PDPK1: variants seen among roughly 807,000 people sequenced by gnomAD.
PDPK1 encodes 3-phosphoinositide dependent protein kinase 1.
In PDPK1, 7 loss-of-function variants were observed where a neutral mutation model predicts 39.8. That is an observed-to-expected ratio of 0.18 (90% CI 0.10 to 0.33). The LOEUF is 0.33. PDPK1 is among the 10% of genes least tolerant of loss of function. The pLI is 1.00. For missense variants in PDPK1, 182 were observed against 384.7 expected, an observed-to-expected ratio of 0.47 and a Z score of 4.41; for synonymous variants, 118 against 159.1, an observed-to-expected ratio of 0.74 and a Z score of 1.95.
At position 2,593,176 on chromosome 16, in the gene PDPK1, G is replaced by T. The variant is rs2067027238; in HGVS notation, c.1344-2617G>T. 2 of 446,340 alleles carry T rather than the reference G, an allele frequency of 4.5e-6. No homozygotes were observed. The highest frequency in any genetic ancestry group is 4.9e-5 in the Admixed American group (2 of 40,860). The allele number at this position is 446,340 out of a possible 1,614,324, so 27.6% of individuals were successfully genotyped here. A position where few individuals can be genotyped will look rare whatever the true frequency, so the allele number is the denominator to read the frequency against. On this transcript the variant is annotated intron_variant, in intron 11 of 13. Coordinates refer to ENST00000342085, the MANE Select transcript of PDPK1 (RefSeq NM_002613.5). This position sits in a 1 kb window ranked among gnomAD's most constrained non-coding sequence, Gnocchi z 4.2. ...CCTGTGGCATGCCCAGATGATCAGG[G>T]TGGAGCGGCCCAGCTCAATGTCTTC...
intron 11 of PDPK1, chr16:2,592,511 T>TA (rs542008025): frequency 2.0e-4 from 67 of 329,562 alleles, no homozygotes; most frequent in Admixed American, 1.3e-3. Flanking sequence ...CTGTCTCTAC[T>TA]AAAATTACCA....
chr16:2,590,539 C>T (rs2066968069), intron 11 of PDPK1, among the ~76,000 whole-genome samples: 1 of 152,086 alleles, frequency 6.6e-6, no homozygotes, highest in South Asian at 2.1e-4. Context: ...TCAGGGGAGA[C>T]ACGCTTGTGG....
chr16:2,544,438 T>C (rs1374249350), intron 1 of PDPK1, among the ~76,000 whole-genome samples: 1 of 152,198 alleles, frequency 6.6e-6, no homozygotes, highest in Non-Finnish European at 1.5e-5. Context: ...GGATGAACCT[T>C]TCTCCACTAA....
intron 1 of PDPK1, among the ~76,000 whole-genome samples, chr16:2,546,218 T>A (rs1407091582): frequency 2.2e-5 from 3 of 133,786 alleles, no homozygotes; most frequent in African/African-American, 8.6e-5. Context: ...TGAGTAGCTG[T>A]GATTACAAGT....
chr16:2,573,816 C>G (rs1473006678), intron 6 of PDPK1, among the ~76,000 whole-genome samples: 2 of 75,918 alleles, frequency 2.6e-5, no homozygotes. Context: ...TTTTTTGAGA[C>G]GGAATTTCGC....
chr16:2,579,244 G>A (rs1269810907), intron 7 of PDPK1: 1 of 72,724 alleles, frequency 1.4e-5, no homozygotes, highest in East Asian at 4.2e-4. Flanking sequence ...GAGCTGCTCA[G>A]CATCCCGAGA....
rs1239328381 is a variant in PDPK1, at chr16:2,542,179, C to T, written c.24+4043C>T. Among the ~76,000 whole-genome samples, 4 of 152,152 alleles carry T rather than the reference C, an allele frequency of 2.6e-5. No individual in the cohort carries two copies. The South Asian group carries it at 6.2e-4, about 24-fold the overall frequency. ...CTGTTTGTTTATTTATTTATTTTTT[C>T]GAGACAGTCTCGTTCTGTCACGCAG... On this transcript the variant is annotated intron_variant, in intron 1 of 13. Transcript: ENST00000342085.
Position 2,597,739 on chromosome 16 carries a change from A to C in PDPK1, c.1643A>C (p.Gln548Pro). Residue 548 changes from glutamine to proline, a missense_variant, in exon 14 of 14, where the codon CAG (glutamine) becomes CCG (proline). Transcript: ENST00000342085. This position sits in a 1 kb window ranked among gnomAD's most constrained non-coding sequence, Gnocchi z 6.3. ...KIQEVWRQRY[Q>P]SHPDAAVQ ...CAGGAGGTTTGGAGGCAGCGATACC[A>C]GAGCCACCCGGACGCCGCTGTGCAG... The C allele has an allele frequency of 1.2e-6, 2 of 1,612,982 alleles. No homozygotes were observed. The highest frequency in any genetic ancestry group is 1.3e-5 in the African/African-American group (1 of 75,026).
intron 10 of PDPK1, among the ~76,000 whole-genome samples, chr16:2,586,111 A>G (rs2066869502): frequency 3.9e-5 from 6 of 152,254 alleles, no homozygotes. Flanking sequence ...CTAGAGTAAC[A>G]GGCAGCGTTA....
In PDPK1 at chr16:2,597,288, C is replaced by G. The variant is rs910253610; in HGVS notation, c.1554+13C>G. The stretch of plus-strand genomic sequence containing the variant: ...CTTTGTCCACACGGTGAGTCTGTTC[C>G]CAGGGATTTCTGTGTGCAGGGTAAT... On this transcript the variant is annotated intron_variant, in intron 13 of 13. Transcript: ENST00000342085. The surrounding 1 kb of genome is among the most constrained non-coding windows in gnomAD (Gnocchi z 6.3). 20 of 1,567,960 alleles carry G rather than the reference C, an allele frequency of 1.3e-5. No individual in the cohort carries two copies. Among genetic ancestry groups the G allele is most frequent in the Non-Finnish European group, 1.4e-5 (16 of 1,147,940 alleles).
At chr16:2,578,075 C>T (rs912601888) in intron 7 of PDPK1, among the ~76,000 whole-genome samples, 11 of 149,050 alleles carry the variant, frequency 7.4e-5, no homozygotes, top group East Asian at 4.0e-4. Flanking sequence ...GTGAGGAAAG[C>T]GTGGCTGCCG....
chr16:2,596,502 C>A (rs889074324), intron 12 of PDPK1, among the ~76,000 whole-genome samples: 1 of 152,168 alleles, frequency 6.6e-6, no homozygotes, highest in Admixed American at 6.5e-5. Context: ...CCGGGTTGTT[C>A]TTTATTTTAT....
rs2067202303 is a variant in PDPK1 at position 2,600,839 on chromosome 16, A to G, written c.*3072A>G. On this transcript the variant is annotated 3_prime_UTR_variant, in exon 14 of 14. Transcript: ENST00000342085. ...GACCACTGTGAGCATTTTGCCGTAT[A>G]TCCTGCCCTGCCATTTGTTCACTTT... The G allele has an allele frequency of 5.0e-6, 1 of 198,448 alleles. No individual in the cohort carries two copies. The highest frequency in any genetic ancestry group is 3.0e-5 in the African/African-American group (1 of 33,456). 12.3% of individuals were successfully genotyped at this position (198,448 alleles called of 1,614,324 possible). A position where few individuals can be genotyped will look rare whatever the true frequency, so the allele number is the denominator to read the frequency against.
chr16:2,587,772 A>G (rs1045055031), intron 11 of PDPK1, among the ~76,000 whole-genome samples: 4 of 152,202 alleles, frequency 2.6e-5, no homozygotes, highest in African/African-American at 4.8e-5. Flanking sequence ...TATGGAGACT[A>G]TTCCTTGTTG....
intron 11 of PDPK1, among the ~76,000 whole-genome samples, chr16:2,594,923 C>A (rs879852214): frequency 6.6e-6 from 1 of 152,126 alleles, no homozygotes; most frequent in Non-Finnish European, 1.5e-5. Context: ...AGATCGAGAC[C>A]ATCCTGGCTA....
intron 1 of PDPK1, among the ~76,000 whole-genome samples, chr16:2,545,261 A>G (rs1340068152): frequency 6.6e-6 from 1 of 152,020 alleles, no homozygotes; most frequent in African/African-American, 2.4e-5. Flanking sequence ...TTCTAATGCA[A>G]AGGTGACGTG....
Position 2,597,975 on chromosome 16 carries a change from T to A in PDPK1, c.*208T>A. ...AAACCAGTAACAAACACAAAGGAATTCAGGGTCGCTTTGCTTGCTCTCTGT... is the reference window on the plus strand; with the variant it reads ...AAACCAGTAACAAACACAAAGGAATACAGGGTCGCTTTGCTTGCTCTCTGT... On this transcript the variant is annotated 3_prime_UTR_variant, in exon 14 of 14. Transcript: ENST00000342085. This position sits in a 1 kb window ranked among gnomAD's most constrained non-coding sequence, Gnocchi z 6.3. 2 of 573,386 alleles carry A rather than the reference T, an allele frequency of 3.5e-6. No homozygotes were observed. The highest frequency in any genetic ancestry group is 6.2e-6 in the Non-Finnish European group (2 of 322,316). The allele number at this position is 573,386 out of a possible 1,614,324, so 35.5% of individuals were successfully genotyped here.
Position 2,601,183 on chromosome 16 carries a change from G to C in PDPK1, c.*3416G>C, listed in dbSNP as rs1010269659. The C allele has an allele frequency of 5.1e-5, 12 of 233,164 alleles. No individual in the cohort carries two copies. The highest frequency in any genetic ancestry group is 6.8e-5 in the Non-Finnish European group (8 of 117,892). The allele number at this position is 233,164 out of a possible 1,614,324, so 14.4% of individuals were successfully genotyped here. A position where few individuals can be genotyped will look rare whatever the true frequency, so the allele number is the denominator to read the frequency against. On this transcript the variant is annotated 3_prime_UTR_variant, in exon 14 of 14. Transcript: ENST00000342085. ...GTTTGTTCATTTTGAAGATATTTCT[G>C]TCTCTCTCTCGACCTGATGTGTAGA...
chr16:2,580,424 G>T (rs2066804036), intron 7 of PDPK1, among the ~76,000 whole-genome samples: 1 of 145,266 alleles, frequency 6.9e-6, no homozygotes, highest in African/African-American at 2.7e-5. Flanking sequence ...GTGAGAGGCC[G>T]CCCTGAATTC....
Sources: allele counts gnomAD v4.1 joint callset (sites outside exome capture counted in the v4.1 genomes callset), GRCh38; gene constraint gnomAD v4.1.1; non-coding constraint Gnocchi (gnomAD v3.1); transcripts MANE v1.5; gene names NCBI Gene and HGNC (gene_info 2026-07-23, HGNC 2026-07-21).